FBXO15: variants seen among roughly 807,000 people sequenced by gnomAD.
FBXO15 encodes the protein F-box only protein 15.
A neutral mutation model predicts 49.5 loss-of-function variants in FBXO15; 30 were observed. The ratio of observed to expected loss-of-function variants is 0.61; its 90% confidence interval spans 0.45 to 0.82. The LOEUF (loss-of-function observed/expected upper bound fraction) is 0.82. Ranked by LOEUF, FBXO15 falls within the 40% of genes least tolerant of loss-of-function variation. FBXO15 has a pLI of 0.00. For missense variants in FBXO15, 591 were observed against 631.5 expected, an observed-to-expected ratio of 0.94 and a Z score of 0.69; for synonymous variants, 250 against 232.7, an observed-to-expected ratio of 1.07 and a Z score of -0.68.
At chr18:74,122,737 T>C (rs1914525989) in intron 8 of FBXO15, 1 of 152,256 alleles carries the variant, frequency 6.6e-6, no homozygotes. Context: ...ACTTCCCTTT[T>C]AAAATATTTT....
intron 8 of FBXO15, among the ~76,000 whole-genome samples, chr18:74,086,133 T>C (rs1568157774): frequency 6.6e-6 from 1 of 151,968 alleles, no homozygotes; most frequent in African/African-American, 2.4e-5. Context: ...GGGAGTATAA[T>C]CTGAACTAGA....
intron 8 of FBXO15, among the ~76,000 whole-genome samples, chr18:74,118,724 C>G (rs1353273001): frequency 2.6e-5 from 4 of 152,120 alleles, no homozygotes; most frequent in African/African-American, 4.8e-5. Context: ...AGAAATGGCA[C>G]AAGTTCCTGA....
chr18:74,124,640 A>C (rs1262942228), intron 6 of FBXO15, 69 bp from the exon 7 acceptor site: 1 of 1,337,370 alleles, frequency 7.5e-7, no homozygotes, highest in African/African-American at 1.4e-5. Context: ...GATCATTGTG[A>C]AGATCACAGC....
intron 9 of FBXO15, chr18:74,078,401 GC>G (rs1912346486): frequency 6.8e-6 from 1 of 146,224 alleles, no homozygotes; most frequent in African/African-American, 2.6e-5. Flanking sequence ...CCGGGTGCTA[GC>G]CCACCCCAGG....
chr18:74,146,641 G>A (rs1979430509), intron 1 of FBXO15, among the ~76,000 whole-genome samples: 1 of 152,190 alleles, frequency 6.6e-6, no homozygotes, highest in African/African-American at 2.4e-5. Flanking sequence ...GACAAGGCTT[G>A]TGGTATGTCT....
chr18:74,105,331 G>T (rs1943926), intron 8 of FBXO15, among the ~76,000 whole-genome samples: 14,152 of 152,150 alleles, frequency 0.093, 1,255 homozygotes, highest in African/African-American at 0.23. Context: ...CCCTTAAAAT[G>T]ATGAACCTCA....
chr18:74,117,574 C>T (rs1020615019), intron 8 of FBXO15, among the ~76,000 whole-genome samples: 4 of 152,070 alleles, frequency 2.6e-5, no homozygotes, highest in South Asian at 2.1e-4. Context: ...TGGAGTCGCG[C>T]GGACCTGAGT....
intron 6 of FBXO15, among the ~76,000 whole-genome samples, chr18:74,125,298 G>A (rs1338399149): frequency 1.3e-5 from 2 of 152,220 alleles, no homozygotes; most frequent in Non-Finnish European, 2.9e-5. Context: ...ACAGAAAGGG[G>A]AGGAGGGAAA....
chr18:74,140,127 T>C (rs1978973749), intron 2 of FBXO15, 75 bp downstream of exon 2: 2 of 1,260,616 alleles, frequency 1.6e-6, no homozygotes, highest in Non-Finnish European at 2.2e-6. Flanking sequence ...ACTTGGTATA[T>C]ACAGCATCAT....
chr18:74,092,025 C>T (rs564852713), intron 8 of FBXO15, among the ~76,000 whole-genome samples: 9 of 152,238 alleles, frequency 5.9e-5, no homozygotes, highest in African/African-American at 2.2e-4. Context: ...GCCGATGCAT[C>T]GTAGATTTGG....
chr18:74,147,801 A>G lies in FBXO15; in HGVS notation c.-16T>C, dbSNP rs756536706. 30 of 1,510,062 alleles carry G rather than the reference A, an allele frequency of 2.0e-5. No homozygotes were observed. Among genetic ancestry groups the G allele is most frequent in the Non-Finnish European group, 2.6e-5 (29 of 1,131,982 alleles). The allele number at this position is 1,510,062 out of a possible 1,614,324, so 93.5% of individuals were successfully genotyped here. A position where few individuals can be genotyped will look rare whatever the true frequency, so the allele number is the denominator to read the frequency against. ...CAGTCGCCATAGAGACAAGGAGTTC[A>G]CCACAGGACCGCGCCAGGGCTGAAA... On this transcript the variant is annotated 5_prime_UTR_variant, in exon 1 of 10. Coordinates refer to ENST00000419743, the MANE Select transcript of FBXO15 (RefSeq NM_001142958.2).
chr18:74,096,650 A>C (rs1371413720), intron 8 of FBXO15, among the ~76,000 whole-genome samples: 3 of 152,048 alleles, frequency 2.0e-5, no homozygotes, highest in East Asian at 3.9e-4. Flanking sequence ...AGCAAACAAA[A>C]AAAAAAAACA....
At chr18:74,102,370 T>C (rs1011074394) in intron 8 of FBXO15, among the ~76,000 whole-genome samples, 1 of 152,076 alleles carries the variant, frequency 6.6e-6, no homozygotes, top group Non-Finnish European at 1.5e-5. Context: ...GCATCACTAA[T>C]GATCAGGGTA....
intron 1 of FBXO15, among the ~76,000 whole-genome samples, chr18:74,141,754 TA>T (rs1433547674): frequency 1.4e-4 from 21 of 152,200 alleles, no homozygotes; most frequent in African/African-American, 5.1e-4. Context: ...GCCCTTGCCC[TA>T]GGCATCAGCT....
chr18:74,077,743 G>C (rs1912313878), intron 9 of FBXO15, among the ~76,000 whole-genome samples: 1 of 152,204 alleles, frequency 6.6e-6, no homozygotes, highest in Non-Finnish European at 1.5e-5. Context: ...GTCTTTGGCA[G>C]GCAGCCGGAG....
At position 74,135,884 on chromosome 18, in the gene FBXO15, GA is replaced by G. The variant is rs5826303; in HGVS notation, c.228-19del. 395 of 1,508,962 alleles carry G rather than the reference GA, an allele frequency of 2.6e-4. No individual in the cohort carries two copies. The highest frequency in any genetic ancestry group is 5.6e-4 in the Admixed American group (28 of 50,022). The allele number at this position is 1,508,962 out of a possible 1,614,324, so 93.5% of individuals were successfully genotyped here. On this transcript the variant is annotated intron_variant, in intron 2 of 9. Coordinates refer to ENST00000419743, the MANE Select transcript of FBXO15 (RefSeq NM_001142958.2). ...AAGGCATTCTGCAAAAACAGAAAAA[GA>G]AAAAAAAAATCACCAGAGTGGACCA...
chr18:74,125,654 G>C lies in FBXO15; in HGVS notation c.912+321C>G, dbSNP rs144648906. ...AGGAAGAGAAGAAGGAACGTGGACT[G>C]ATTGGAAGTGGGAAAGCCACATGAC... On this transcript the variant is annotated intron_variant, in intron 6 of 9. Coordinates refer to ENST00000419743, the MANE Select transcript of FBXO15 (RefSeq NM_001142958.2). 1.1e-4 allele frequency among the ~76,000 whole-genome samples: 17 copies of C among 152,312 alleles called. No individual in the cohort carries two copies. The East Asian group carries it at 3.3e-3, about 29-fold the overall frequency.
chr18:74,130,432 T>C lies in FBXO15; in HGVS notation c.559A>G (p.Thr187Ala). ...ACTGCGTACCTGAGGGCCTCTTTGG[T>C]CTTAACTGGAAGGCCTGTGTAAGGG... ...VNPYTGLPVK[T>A]KEALRIFGLG... Residue 187 changes from threonine (T) to alanine (A), a missense_variant, in exon 4 of 10, where the codon ACC (threonine) becomes GCC (alanine). Coordinates refer to ENST00000419743, the MANE Select transcript of FBXO15 (RefSeq NM_001142958.2). The C allele has an allele frequency of 1.2e-6, 2 of 1,614,190 alleles. No homozygotes were observed. Among genetic ancestry groups the C allele is most frequent in the Non-Finnish European group, 1.7e-6 (2 of 1,180,012 alleles).
chr18:74,135,670 T>C, intron 3 of FBXO15, 92 bp downstream of exon 3: 1 of 1,005,818 alleles, frequency 9.9e-7, no homozygotes, highest in Non-Finnish European at 1.5e-6. Flanking sequence ...TGAATTCTCT[T>C]AAATTCTTAA....
Sources: gnomAD v4.1 joint callset for allele counts (sites outside exome capture counted in the v4.1 genomes callset) on GRCh38, gnomAD v4.1.1 for gene constraint, MANE v1.5 for transcripts, NCBI Gene and HGNC (gene_info 2026-07-23, HGNC 2026-07-21) for gene names.